Variants in ATN1 observed in about 807,000 individuals in gnomAD.
ATN1 encodes the protein atrophin 1.
ATN1 carries 19 observed loss-of-function variants against 85.8 expected under a neutral mutation model. The ratio of observed to expected loss-of-function variants is 0.22; its 90% confidence interval spans 0.15 to 0.32. ATN1 has a LOEUF of 0.32. ATN1 is among the 10% of genes least tolerant of loss of function. The pLI is 1.00. For missense variants in ATN1, 1,453 were observed against 1,564.5 expected, an observed-to-expected ratio of 0.93 and a Z score of 1.20; for synonymous variants, 674 against 657.0, an observed-to-expected ratio of 1.03 and a Z score of -0.39.
At chr12:6,940,757 G>C (rs1319037383) in intron 7 of ATN1, 123 bp from the exon 8 acceptor site, 37 of 1,247,698 alleles carry the variant, frequency 3.0e-5, no homozygotes, top group Non-Finnish European at 4.1e-5. Context: ...CTCTGCCTTT[G>C]TTCCACTTTG....
Position 6,937,995 on chromosome 12 carries a change from G to GGAGCGCGAGCGCGAGCGC in ATN1, c.2462_2463insCGAGCGCGAGCGCGAGCG (p.Arg819_Glu824dup). On this transcript the variant is annotated inframe_insertion, in exon 6 of 10. Coordinates refer to ENST00000396684, the MANE Select transcript of ATN1 (RefSeq NM_001940.4). This position sits in a 1 kb window ranked among gnomAD's most constrained non-coding sequence, Gnocchi z 6.0. ...CCGAGCAGCGCGCGCGCGAAGAAAAGGAGCGCGAGCGCGAGCGGGAACGCG... is the reference window on the plus strand; with the variant it reads ...CCGAGCAGCGCGCGCGCGAAGAAAAGGAGCGCGAGCGCGAGCGCGAGCGCGAGCGCGAGCGGGAACGCG... 2 of 1,546,194 alleles carry GGAGCGCGAGCGCGAGCGC rather than the reference G, an allele frequency of 1.3e-6. No individual in the cohort carries two copies. The highest frequency in any genetic ancestry group is 3.9e-5 in the Admixed American group (2 of 50,802).
Position 6,937,581 on chromosome 12 carries a change from G to A in ATN1, c.2294+20G>A. Reference sequence around the variant, plus strand: ...TGCCAGGTGAGCGGCCAGGTGGGGCGGAGGTGGGCCTGGAAAGGGGACGAC... The same window carrying A: ...TGCCAGGTGAGCGGCCAGGTGGGGCAGAGGTGGGCCTGGAAAGGGGACGAC... On this transcript the variant is annotated intron_variant, in intron 5 of 9. Coordinates refer to ENST00000396684, the MANE Select transcript of ATN1 (RefSeq NM_001940.4). The surrounding 1 kb of genome is among the most constrained non-coding windows in gnomAD (Gnocchi z 6.0). 10 of 1,477,948 alleles carry A rather than the reference G, an allele frequency of 6.8e-6. No individual in the cohort carries two copies. Among genetic ancestry groups the A allele is most frequent in the Non-Finnish European group, 8.1e-6 (9 of 1,115,576 alleles). The allele number at this position is 1,477,948 out of a possible 1,614,324, so 91.6% of individuals were successfully genotyped here. A position where few individuals can be genotyped will look rare whatever the true frequency, so the allele number is the denominator to read the frequency against.
chr12:6,933,407 G>C (rs1174628665), intron 1 of ATN1, among the ~76,000 whole-genome samples: 1 of 151,996 alleles, frequency 6.6e-6, no homozygotes, highest in Non-Finnish European at 1.5e-5. Flanking sequence ...GGCTAGGCTG[G>C]TCTTGAACTC....
rs1204792010 is a variant in ATN1 at position 6,941,867 on chromosome 12, C to G, written c.*87C>G. On this transcript the variant is annotated 3_prime_UTR_variant, in exon 10 of 10. Coordinates refer to ENST00000396684, the MANE Select transcript of ATN1 (RefSeq NM_001940.4). The surrounding 1 kb of genome is among the most constrained non-coding windows in gnomAD (Gnocchi z 5.9). ...CCCCACCGTGCCCTTGGCCTGCCAC[C>G]CAGAGCCAAGAGGGTGCTGCTCAGT... 2.9e-5 allele frequency: 40 copies of G among 1,383,620 alleles called. No homozygotes were observed. The highest frequency in any genetic ancestry group is 3.9e-5 in the Non-Finnish European group (38 of 973,196). 85.7% of individuals were successfully genotyped at this position (1,383,620 alleles called of 1,614,324 possible). A position where few individuals can be genotyped will look rare whatever the true frequency, so the allele number is the denominator to read the frequency against.
intron 1 of ATN1, among the ~76,000 whole-genome samples, chr12:6,932,708 C>G (rs1945480938): frequency 6.6e-6 from 1 of 152,338 alleles, no homozygotes; most frequent in South Asian, 2.1e-4. Context: ...TGTGAAAACC[C>G]TGACTTTTCC....
Position 6,941,901 on chromosome 12 carries a change from C to T in ATN1, c.*121C>T. 1.0e-6 allele frequency: 1 copy of T among 992,392 alleles called. No individual in the cohort carries two copies. Among genetic ancestry groups the T allele is most frequent in the Admixed American group, 1.9e-5 (1 of 53,774 alleles). The allele number at this position is 992,392 out of a possible 1,614,324, so 61.5% of individuals were successfully genotyped here. Reference sequence around the variant, plus strand: ...AGAGGGTGCTGCTCAGTTGCAGGGCCTCCGCAGCTGGACAGAGAGTGGGGG... The same window carrying T: ...AGAGGGTGCTGCTCAGTTGCAGGGCTTCCGCAGCTGGACAGAGAGTGGGGG... On this transcript the variant is annotated 3_prime_UTR_variant, in exon 10 of 10. Coordinates refer to ENST00000396684, the MANE Select transcript of ATN1 (RefSeq NM_001940.4). The surrounding 1 kb of genome is among the most constrained non-coding windows in gnomAD (Gnocchi z 5.9).
At chr12:6,925,141 T>TGTGA (rs1445451270), upstream of ATN1, among the ~76,000 whole-genome samples, 989 of 147,634 alleles carry the variant, frequency 6.7e-3, 7 homozygotes, top group African/African-American at 0.018. Context: ...TGTGTGTGTG[T>TGTGA]GAGAGAGAGA....
rs1346866626 is a variant in ATN1 at position 6,937,775 on chromosome 12, G to T, written c.2295-70G>T. 6.8e-7 allele frequency: 1 copy of T among 1,473,818 alleles called. No individual in the cohort carries two copies. The highest frequency in any genetic ancestry group is 9.0e-7 in the Non-Finnish European group (1 of 1,113,954). 91.3% of individuals were successfully genotyped at this position (1,473,818 alleles called of 1,614,324 possible). A position where few individuals can be genotyped will look rare whatever the true frequency, so the allele number is the denominator to read the frequency against. ...GGCGGGGGCTACAAGCACTCGCCGGGGCCGCGGCGCTGCGGGCTCCATCGG... is the reference window on the plus strand; with the variant it reads ...GGCGGGGGCTACAAGCACTCGCCGGTGCCGCGGCGCTGCGGGCTCCATCGG... On this transcript the variant is annotated intron_variant, in intron 5 of 9. Coordinates refer to ENST00000396684, the MANE Select transcript of ATN1 (RefSeq NM_001940.4). The surrounding 1 kb of genome is among the most constrained non-coding windows in gnomAD (Gnocchi z 6.0).
Position 6,936,664 on chromosome 12 carries a change from C to T in ATN1, c.1397C>T (p.Thr466Ile). The change falls in exon 5 of 10, where the codon ACT becomes ATT. Residue 466 changes from threonine to isoleucine, a missense_variant. This residue lies in a region of ATN1 where 990 missense variants were observed against 914.8 expected (regional missense o/e 1.08). Transcript: ENST00000396684. The stretch of plus-strand genomic sequence containing the variant: ...CATCCAGGCCCCTTCCCTCCCTCTA[C>T]TGGGGCCCAGTCCACCGCCCACCCA... Reference protein sequence around the residue: ...NAHPGPFPPSTGAQSTAHPPV... With the variant: ...NAHPGPFPPSIGAQSTAHPPV... 1 of 1,613,836 alleles carries T rather than the reference C, an allele frequency of 6.2e-7. No individual in the cohort carries two copies. Among genetic ancestry groups the T allele is most frequent in the Non-Finnish European group, 8.5e-7 (1 of 1,179,960 alleles).
Position 6,937,982 on chromosome 12 carries a change from C to T in ATN1, c.2432C>T (p.Ala811Val), listed in dbSNP as rs781898565. 2 of 1,550,412 alleles carry T rather than the reference C, an allele frequency of 1.3e-6. No homozygotes were observed. Among genetic ancestry groups the T allele is most frequent in the African/African-American group, 1.4e-5 (1 of 73,136 alleles). The change falls in exon 6 of 10, where the codon GCG (alanine) becomes GTG (valine). Residue 811 changes from alanine (A) to valine (V), a missense_variant. This residue lies in a region of ATN1 where 990 missense variants were observed against 914.8 expected (regional missense o/e 1.08). Coordinates refer to ENST00000396684, the MANE Select transcript of ATN1 (RefSeq NM_001940.4). This position sits in a 1 kb window ranked among gnomAD's most constrained non-coding sequence, Gnocchi z 6.0. ...GTGCGGCGCGAGGCCGAGCAGCGCG[C>T]GCGCGAAGAAAAGGAGCGCGAGCGC... ...EKVRREAEQR[A>V]REEKERERER...
rs1035140041 is a variant in ATN1 at position 6,933,906 on chromosome 12, C to T, written c.-96C>T. On this transcript the variant is annotated 5_prime_UTR_variant, in exon 2 of 10. Transcript: ENST00000396684. Reference sequence around the variant, plus strand: ...CACTGGAAACTTGGAGATCCTGCTTCCCAGACCACAGCTGTGGGGAACTTG... The same window carrying T: ...CACTGGAAACTTGGAGATCCTGCTTTCCAGACCACAGCTGTGGGGAACTTG... 11 of 1,485,314 alleles carry T rather than the reference C, an allele frequency of 7.4e-6. No homozygotes were observed. The highest frequency in any genetic ancestry group is 2.4e-5 in the East Asian group (1 of 41,238). The allele number at this position is 1,485,314 out of a possible 1,614,324, so 92.0% of individuals were successfully genotyped here.
rs782799149 is a variant in ATN1, at chr12:6,934,270, C to T, written c.122C>T (p.Ser41Phe). 4.4e-6 allele frequency: 7 copies of T among 1,577,408 alleles called. No homozygotes were observed. The highest frequency in any genetic ancestry group is 6.0e-6 in the Non-Finnish European group (7 of 1,169,290). Reference protein sequence around the residue: ...GRASPGGVSTSSSDGKAEKSR... With the variant: ...GRASPGGVSTFSSDGKAEKSR... Reference sequence around the variant, plus strand: ...GCCTCCCCTGGAGGGGTCAGCACGTCCAGCAGTGATGGCAAAGCTGAGAAG... The same window carrying T: ...GCCTCCCCTGGAGGGGTCAGCACGTTCAGCAGTGATGGCAAAGCTGAGAAG... Residue 41 changes from serine to phenylalanine, a missense_variant, in exon 3 of 10, where the codon TCC (serine) becomes TTC (phenylalanine). Around this residue, in one of 6 missense-constraint regions of ATN1, gnomAD observed 130 missense variants for 158.2 expected, o/e 0.82. Transcript: ENST00000396684. The surrounding 1 kb of genome is among the most constrained non-coding windows in gnomAD (Gnocchi z 4.5).
upstream of ATN1, among the ~76,000 whole-genome samples, chr12:6,927,906 G>A (rs1177735249): frequency 6.6e-6 from 1 of 151,304 alleles, no homozygotes; most frequent in Non-Finnish European, 1.5e-5. Context: ...GCTTCGGGGA[G>A]GGGCTAGGAG....
intron 7 of ATN1, among the ~76,000 whole-genome samples, chr12:6,939,665 C>G (rs1304908950): frequency 6.6e-6 from 1 of 152,180 alleles, no homozygotes; most frequent in Non-Finnish European, 1.5e-5. Context: ...CCATACCTGG[C>G]TACTTTTTGT....
chr12:6,935,560 G>T lies in ATN1; in HGVS notation c.293G>T (p.Arg98Leu), dbSNP rs372999568. 52 of 1,609,486 alleles carry T rather than the reference G, an allele frequency of 3.2e-5. No homozygotes were observed. The highest frequency in any genetic ancestry group is 1.1e-5 in the South Asian group (1 of 90,958). ...KKTKTEQELP[R>L]PQSPSDLDSL... ...CCTTTTCTACAGCAGGAACTCCCTCGGCCACAGTCTCCCTCCGATCTGGAT... is the reference window on the plus strand; with the variant it reads ...CCTTTTCTACAGCAGGAACTCCCTCTGCCACAGTCTCCCTCCGATCTGGAT... Residue 98 changes from arginine to leucine, a missense_variant, in exon 5 of 10, where the codon CGG (arginine) becomes CTG (leucine). By Grantham distance (102) the Arg-to-Leu change is moderately radical. Around this residue, in one of 6 missense-constraint regions of ATN1, gnomAD observed 130 missense variants for 158.2 expected, o/e 0.82. Transcript: ENST00000396684. The surrounding 1 kb of genome is among the most constrained non-coding windows in gnomAD (Gnocchi z 5.3).
chr12:6,937,377 G>A lies in ATN1; in HGVS notation c.2110G>A (p.Gly704Ser), dbSNP rs12315465. The change falls in exon 5 of 10, where the codon GGC becomes AGC. Residue 704 changes from glycine to serine, a missense_variant. By Grantham distance (56) the Gly-to-Ser change is moderately conservative. This residue lies in a region of ATN1 where 990 missense variants were observed against 914.8 expected (regional missense o/e 1.08). Transcript: ENST00000396684. This position sits in a 1 kb window ranked among gnomAD's most constrained non-coding sequence, Gnocchi z 6.0. The stretch of plus-strand genomic sequence containing the variant: ...GCCCCTGCCACCTGCGGGGCCCTCA[G>A]GCCTGCCATCGCTGCCACCACCACC... ...PGPLPPAGPS[G>S]LPSLPPPPAA... 1 of 1,550,248 alleles carries A rather than the reference G, an allele frequency of 6.5e-7. No individual in the cohort carries two copies. The highest frequency in any genetic ancestry group is 8.7e-7 in the Non-Finnish European group (1 of 1,148,628).
Position 6,941,886 on chromosome 12 carries a change from G to A in ATN1, c.*106G>A. The A allele has an allele frequency of 2.5e-6, 3 of 1,201,076 alleles. No individual in the cohort carries two copies. Among genetic ancestry groups the A allele is most frequent in the Non-Finnish European group, 3.7e-6 (3 of 812,286 alleles). 74.4% of individuals were successfully genotyped at this position (1,201,076 alleles called of 1,614,324 possible). Reference sequence around the variant, plus strand: ...TGCCACCCAGAGCCAAGAGGGTGCTGCTCAGTTGCAGGGCCTCCGCAGCTG... The same window carrying A: ...TGCCACCCAGAGCCAAGAGGGTGCTACTCAGTTGCAGGGCCTCCGCAGCTG... On this transcript the variant is annotated 3_prime_UTR_variant, in exon 10 of 10. Transcript: ENST00000396684. This position sits in a 1 kb window ranked among gnomAD's most constrained non-coding sequence, Gnocchi z 5.9.
intron 7 of ATN1, 75 bp downstream of exon 7, chr12:6,939,252 A>T: frequency 6.7e-7 from 1 of 1,485,360 alleles, no homozygotes; most frequent in Non-Finnish European, 8.9e-7. Flanking sequence ...TTTCATTCCT[A>T]TGGCCAAGAC....
chr12:6,931,190 G>A (rs1384559434), intron 1 of ATN1, among the ~76,000 whole-genome samples: 1 of 152,120 alleles, frequency 6.6e-6, no homozygotes, highest in Non-Finnish European at 1.5e-5. Context: ...TGGTGAACAG[G>A]TTCTGTGATG....
Sources: allele counts gnomAD v4.1 joint callset (sites outside exome capture counted in the v4.1 genomes callset), GRCh38; gene constraint gnomAD v4.1.1; regional missense constraint gnomAD v4.1.1; non-coding constraint Gnocchi (gnomAD v3.1); transcripts MANE v1.5; gene names NCBI Gene and HGNC (gene_info 2026-07-23, HGNC 2026-07-21).